The following FLVCR1 variants were observed in gnomAD, a reference collection of about 807,000 sequenced individuals.
FLVCR1 encodes the protein FLVCR choline and heme transporter 1.
In FLVCR1, 34 loss-of-function variants were observed where a neutral mutation model predicts 53.6. The ratio of observed to expected loss-of-function variants is 0.63; its 90% CI spans 0.48 to 0.84. The LOEUF (loss-of-function observed/expected upper bound fraction) is 0.84, where lower values mean the gene tolerates loss of function less well. Ranked by LOEUF, FLVCR1 falls within the 40% of genes least tolerant of loss-of-function variation. The pLI is 0.00. For missense variants in FLVCR1, 677 were observed against 696.7 expected (o/e 0.97, Z 0.32); for synonymous variants, 300 against 286.3 (o/e 1.05, Z -0.48).
intron 1 of FLVCR1, among the ~76,000 whole-genome samples, chr1:212,863,461 C>T (rs537245608): frequency 4.0e-5 from 6 of 151,678 alleles, no homozygotes; most frequent in Admixed American, 2.0e-4. Flanking sequence ...TTGTGGCGCG[C>T]GCCTGTAATC....
At chr1:212,888,716 G>C (rs1572027357) in intron 7 of FLVCR1, 122 bp downstream of exon 7, 1 of 794,216 alleles carries the variant, frequency 1.3e-6, no homozygotes, top group Non-Finnish European at 2.1e-6. Context: ...ACAGAGTCTT[G>C]CTCAGCCATC....
At chr1:212,890,966 A>G (rs1198484934) in intron 8 of FLVCR1, among the ~76,000 whole-genome samples, 1 of 152,208 alleles carries the variant, frequency 6.6e-6, no homozygotes, top group Non-Finnish European at 1.5e-5. Context: ...ACATCTTATC[A>G]CAGGGAGTTT....
Position 212,889,221 on chromosome 1 carries a change from C to A in FLVCR1, c.1489C>A (p.Leu497Ile). 5 of 1,613,738 alleles carry A rather than the reference C, an allele frequency of 3.1e-6. No individual in the cohort carries two copies. Among genetic ancestry groups the A allele is most frequent in the Non-Finnish European group, 4.2e-6 (5 of 1,179,738 alleles). ...DYGPKAGNIF[L>I]CVWMFIGIIL... ...TGGTCCTAAGGCAGGGAACATTTTTCTCTGTGTCTGGATGTTTATAGGCAT... is the reference window on the plus strand; with the variant it reads ...TGGTCCTAAGGCAGGGAACATTTTTATCTGTGTCTGGATGTTTATAGGCAT... The change falls in exon 8 of 10, where the codon CTC becomes ATC. Residue 497 changes from leucine to isoleucine, a missense_variant. Transcript: ENST00000366971.
chr1:212,877,615 G>A (rs1664792679), intron 3 of FLVCR1, among the ~76,000 whole-genome samples: 1 of 150,204 alleles, frequency 6.7e-6, no homozygotes, highest in African/African-American at 2.4e-5. Flanking sequence ...TGGATAATTA[G>A]ATCTTTGTCA....
intron 3 of FLVCR1, among the ~76,000 whole-genome samples, chr1:212,873,909 A>C (rs995797077): frequency 1.3e-5 from 2 of 152,194 alleles, no homozygotes; most frequent in Non-Finnish European, 2.9e-5. Flanking sequence ...CATTTAATCT[A>C]ATTCCTATAT....
At chr1:212,871,155 T>C (rs1664584685) in intron 2 of FLVCR1, among the ~76,000 whole-genome samples, 3 of 152,220 alleles carry the variant, frequency 2.0e-5, no homozygotes, top group Admixed American at 2.0e-4. Flanking sequence ...ATGCCTTTAA[T>C]AATCAGTGGC....
intron 8 of FLVCR1, among the ~76,000 whole-genome samples, chr1:212,891,450 A>C (rs1389428750): frequency 6.6e-6 from 1 of 152,180 alleles, no homozygotes; most frequent in African/African-American, 2.4e-5. Context: ...GTCTCAAAAA[A>C]AAAAACAGTA....
chr1:212,867,849 G>T (rs1664483023), intron 2 of FLVCR1, among the ~76,000 whole-genome samples: 1 of 149,406 alleles, frequency 6.7e-6, no homozygotes, highest in African/African-American at 2.5e-5. Context: ...TTTCACCCAG[G>T]CAGGAGTACA....
rs556837974 is a variant in FLVCR1, at chr1:212,869,310, A to G, written c.884-3368A>G. ...ATTTTTCTGTTTCAAAGGAGAAAGA[A>G]GAAGCCATATTTCATCCTTTGAAAG... On this transcript the variant is annotated intron_variant, in intron 2 of 9. Coordinates refer to ENST00000366971, the MANE Select transcript of FLVCR1 (RefSeq NM_014053.4). 3.9e-5 allele frequency among the ~76,000 whole-genome samples: 6 copies of G among 152,366 alleles called. No individual in the cohort carries two copies. In the East Asian group the frequency reaches 1.2e-3, roughly 29 times the overall value.
intron 5 of FLVCR1, 81 bp downstream of exon 5, chr1:212,885,477 A>C: frequency 9.6e-7 from 1 of 1,039,890 alleles, no homozygotes. Flanking sequence ...TATTTCAAGA[A>C]ATTTAAAACA....
chr1:212,888,445 A>T (rs1665112407), intron 6 of FLVCR1, 44 bp from the exon 7 acceptor site: 1 of 1,316,594 alleles, frequency 7.6e-7, no homozygotes, highest in Non-Finnish European at 1.1e-6. Context: ...TGTGATTGTG[A>T]CTTTCTGGTA....
chr1:212,887,602 G>A (rs1020425417), intron 5 of FLVCR1, among the ~76,000 whole-genome samples: 1 of 152,182 alleles, frequency 6.6e-6, no homozygotes, highest in Non-Finnish European at 1.5e-5. Flanking sequence ...AATTTGATCT[G>A]AATCTTGAAA....
In FLVCR1 at chr1:212,858,427, C is replaced by G; in HGVS notation, c.-26C>G. On this transcript the variant is annotated 5_prime_UTR_variant, in exon 1 of 10. Transcript: ENST00000366971. The stretch of plus-strand genomic sequence containing the variant: ...GGAGTCGGGGAGTGGGGCGGGGGAG[C>G]GAGGTGGCGCCGGGGAGCCTGGGAT... 7.0e-7 allele frequency: 1 copy of G among 1,429,124 alleles called. No homozygotes were observed. Among genetic ancestry groups the G allele is most frequent in the Non-Finnish European group, 9.1e-7 (1 of 1,095,922 alleles). 88.5% of individuals were successfully genotyped at this position (1,429,124 alleles called of 1,614,324 possible).
intron 4 of FLVCR1, among the ~76,000 whole-genome samples, chr1:212,883,929 TG>T (rs1664990640): frequency 6.6e-6 from 1 of 152,058 alleles, no homozygotes; most frequent in South Asian, 2.1e-4. Context: ...CTATGTGGTC[TG>T]GTCTGTTGGG....
At position 212,858,796 on chromosome 1, in the gene FLVCR1, G is replaced by T; in HGVS notation, c.344G>T (p.Ser115Ile). The stretch of plus-strand genomic sequence containing the variant: ...CGCTTCGTGGTGCTCCTGATCTTCA[G>T]CCTGTACTCGCTGGTCAACGCCTTT... The part of the protein sequence containing the change: ...PRRFVVLLIF[S>I]LYSLVNAFQW... Residue 115 changes from serine to isoleucine, a missense_variant, in exon 1 of 10, where the codon AGC (serine) becomes ATC (isoleucine). Transcript: ENST00000366971. 1 of 1,614,206 alleles carries T rather than the reference G, an allele frequency of 6.2e-7. No homozygotes were observed.
intron 3 of FLVCR1, among the ~76,000 whole-genome samples, chr1:212,882,880 C>G (rs943321077): frequency 7.6e-4 from 115 of 152,034 alleles, no homozygotes; most frequent in African/African-American, 2.3e-3. Context: ...GCCTGGGCAA[C>G]AGAGCAAGGC....
intron 8 of FLVCR1, among the ~76,000 whole-genome samples, chr1:212,892,482 C>T (rs374295288): frequency 6.6e-6 from 1 of 152,328 alleles, no homozygotes; most frequent in Non-Finnish European, 1.5e-5. Flanking sequence ...GTTGATAGTA[C>T]ATCTGTTAGT....
Position 212,889,229 on chromosome 1 carries a change from C to G in FLVCR1, c.1497C>G (p.Val499=), listed in dbSNP as rs1038790466. ...AGGCAGGGAACATTTTTCTCTGTGTCTGGATGTTTATAGGCATCATATTAA... is the reference window on the plus strand; with the variant it reads ...AGGCAGGGAACATTTTTCTCTGTGTGTGGATGTTTATAGGCATCATATTAA... ...GPKAGNIFLC[V]WMFIGIILTA... The change falls in exon 8 of 10, where the codon GTC becomes GTG. Residue 499 remains valine (V), a synonymous_variant. Coordinates refer to ENST00000366971, the MANE Select transcript of FLVCR1 (RefSeq NM_014053.4). The G allele has an allele frequency of 1.2e-6, 2 of 1,613,198 alleles. No homozygotes were observed. The highest frequency in any genetic ancestry group is 1.7e-6 in the Non-Finnish European group (2 of 1,179,316).
rs1664637892 is a variant in FLVCR1, at chr1:212,872,724, T to A, written c.930T>A (p.Ala310=). The A allele has an allele frequency of 6.2e-7, 1 of 1,613,940 alleles. No homozygotes were observed. The highest frequency in any genetic ancestry group is 8.5e-7 in the Non-Finnish European group (1 of 1,179,858). The change falls in exon 3 of 10, where the codon GCT becomes GCA. Residue 310 remains alanine, a synonymous_variant. Transcript: ENST00000366971. ...ATCCACCAAGTCAGGCTCAAGCAGCTCTTCAAGACAGTCCCCCTGAAGAGT... is the reference window on the plus strand; with the variant it reads ...ATCCACCAAGTCAGGCTCAAGCAGCACTTCAAGACAGTCCCCCTGAAGAGT... The part of the protein sequence containing the change: ...PRYPPSQAQA[A]LQDSPPEEYS...
Sources: gnomAD v4.1 joint callset for allele counts (sites outside exome capture counted in the v4.1 genomes callset) on GRCh38, gnomAD v4.1.1 for gene constraint, MANE v1.5 for transcripts, NCBI Gene and HGNC (gene_info 2026-07-23, HGNC 2026-07-21) for gene names.